Variants in IQGAP3 observed in about 807,000 individuals in gnomAD.
IQGAP3 encodes the protein ras GTPase-activating-like protein IQGAP3.
In IQGAP3, 165 loss-of-function variants were observed where a neutral mutation model predicts 208.2. The ratio of observed to expected loss-of-function variants is 0.79; its 90% confidence interval spans 0.70 to 0.90. The LOEUF (loss-of-function observed/expected upper bound fraction) is 0.90. Among genes scored for constraint, IQGAP3 ranks in the 40% least tolerant of loss-of-function variants. The probability of loss-of-function intolerance (pLI) is 0.00; values close to 1 mark genes in which losing one functional copy is unlikely to be tolerated. For synonymous variants in IQGAP3, 703 were observed against 803.6 expected (o/e 0.87, Z 2.12); for missense variants, 1,811 against 2,043.1 (o/e 0.89, Z 2.19).
intron 30 of IQGAP3, 57 bp downstream of exon 30, chr1:156,533,952 A>C: frequency 6.2e-7 from 1 of 1,608,650 alleles, no homozygotes; most frequent in Non-Finnish European, 8.5e-7. Flanking sequence ...CTACCCCATC[A>C]CAGGCTACCA....
At position 156,554,756 on chromosome 1, in the gene IQGAP3, T is replaced by G. The variant is rs1312953609; in HGVS notation, c.1291-364A>C. ...TCTACCAGCTCCCATTGGTCCCTAC[T>G]GCATATCAAGAACTGTATTAGCCGG... On this transcript the variant is annotated intron_variant, in intron 12 of 37. Transcript: ENST00000361170. 2.0e-5 allele frequency among the ~76,000 whole-genome samples: 3 copies of G among 152,178 alleles called. No homozygotes were observed. In the East Asian group the frequency reaches 5.8e-4, roughly 29 times the overall value.
At chr1:156,533,690 C>T (rs1020909081) in intron 31 of IQGAP3, 83 bp downstream of exon 31, 16 of 1,122,656 alleles carry the variant, frequency 1.4e-5, no homozygotes, top group South Asian at 5.5e-5. Context: ...TGCATGGGCA[C>T]GCTCACATGC....
At chr1:156,555,315 C>T (rs1050770413) in intron 12 of IQGAP3, among the ~76,000 whole-genome samples, 4 of 152,030 alleles carry the variant, frequency 2.6e-5, no homozygotes, top group Non-Finnish European at 4.4e-5. Context: ...TTGGCTCTCC[C>T]GGGTTCAAGT....
chr1:156,529,078 A>G lies in IQGAP3; in HGVS notation c.4409T>C (p.Ile1470Thr). The G allele has an allele frequency of 6.2e-7, 1 of 1,613,994 alleles. No individual in the cohort carries two copies. The highest frequency in any genetic ancestry group is 1.7e-5 in the Admixed American group (1 of 60,006). ...GTGCCTGTGTCTGTGCTGGTTGCGG[A>G]TGTCCTGGGGTTGGGGAACAGATGG... ...QGLVDELAKD[I>T]RNQHRHRHRR... is the part of the protein sequence containing the mutation. The change falls in exon 35 of 38, where the codon ATC becomes ACC. Residue 1470 changes from isoleucine (I) to threonine (T), a missense_variant. Transcript: ENST00000361170.
chr1:156,529,424 C>G (rs1262216316), intron 34 of IQGAP3, among the ~76,000 whole-genome samples: 1 of 151,902 alleles, frequency 6.6e-6, no homozygotes, highest in Non-Finnish European at 1.5e-5. Flanking sequence ...CATTACCCAG[C>G]TAATGTGGGG....
chr1:156,533,142 TAC>T (rs776200999), intron 31 of IQGAP3, 36 bp from the exon 32 acceptor site: 18 of 1,611,232 alleles, frequency 1.1e-5, no homozygotes, highest in East Asian at 6.7e-5. Context: ...GAGACAGGCA[TAC>T]ACACACACAT....
intron 27 of IQGAP3, among the ~76,000 whole-genome samples, chr1:156,535,920 C>G (rs1674664751): frequency 1.3e-5 from 2 of 152,200 alleles, no homozygotes; most frequent in African/African-American, 4.8e-5. Context: ...GAAATTATGT[C>G]TGCGAGAGTA....
intron 4 of IQGAP3, among the ~76,000 whole-genome samples, 182 bp from the exon 5 acceptor site, chr1:156,564,873 C>T (rs1353350890): frequency 6.6e-6 from 1 of 152,134 alleles, no homozygotes; most frequent in African/African-American, 2.4e-5. Flanking sequence ...AAGAAATTCA[C>T]TGAGGATGCA....
chr1:156,570,918 A>G (rs976047234), intron 1 of IQGAP3, among the ~76,000 whole-genome samples: 1 of 152,254 alleles, frequency 6.6e-6, no homozygotes, highest in Non-Finnish European at 1.5e-5. Flanking sequence ...AAAGGATTCT[A>G]GCTATGAACT....
At chr1:156,526,957 T>C (rs1674098877) in intron 37 of IQGAP3, among the ~76,000 whole-genome samples, 1 of 151,942 alleles carries the variant, frequency 6.6e-6, no homozygotes, top group African/African-American at 2.4e-5. Flanking sequence ...TTCAGCCTCC[T>C]GAGTAGCTGG....
rs754878469 is a variant in IQGAP3, at chr1:156,566,047, C to T, written c.340G>A (p.Ala114Thr). 7 of 1,613,598 alleles carry T rather than the reference C, an allele frequency of 4.3e-6. No homozygotes were observed. The East Asian group carries it at 1.6e-4, about 36-fold the overall frequency. Residue 114 changes from alanine to threonine, a missense_variant, in exon 4 of 38, where the codon GCC becomes ACC. Physicochemically the swap from Ala to Thr is moderately conservative, Grantham distance 58 (BLOSUM62 0). Coordinates refer to ENST00000361170, the MANE Select transcript of IQGAP3 (RefSeq NM_178229.5). The stretch of plus-strand genomic sequence containing the variant: ...ATTACCGAAGGCAGACCGATGTGGG[C>T]TATTGCAGATAGCCAAAAGTTGATG... ...DNINFWLSAI[A>T]HIGLPSTFFP...
At chr1:156,531,391 G>T in intron 32 of IQGAP3, 144 bp from the exon 33 acceptor site, 1 of 655,672 alleles carries the variant, frequency 1.5e-6, no homozygotes, top group East Asian at 2.8e-5. Context: ...AGGGATAGGG[G>T]ATGTCGTTGC....
rs995761438 is a variant in IQGAP3 at position 156,533,232 on chromosome 1, G to A, written c.3977-126C>T. 30 of 1,292,386 alleles carry A rather than the reference G, an allele frequency of 2.3e-5. No homozygotes were observed. In the East Asian group the frequency reaches 6.8e-4, roughly 29 times the overall value. 80.1% of individuals were successfully genotyped at this position (1,292,386 alleles called of 1,614,324 possible). On this transcript the variant is annotated intron_variant, in intron 31 of 37. Transcript: ENST00000361170. ...AGCTGCTCCACATGCCCCTCTTCCAGGAAGTTTTCCCACACTGGCCTGCAG... is the reference window on the plus strand; with the variant it reads ...AGCTGCTCCACATGCCCCTCTTCCAAGAAGTTTTCCCACACTGGCCTGCAG...
rs991619450 is a variant in IQGAP3, at chr1:156,544,476, C to T, written c.2305-4G>A. The stretch of plus-strand genomic sequence containing the variant: ...GCCTATAACCCCGCCAATGAGCCTG[C>T]ACATCAGGAGAGAAAGGGAAGTAAC... On this transcript the variant is annotated splice_polypyrimidine_tract_variant and splice_region_variant and intron_variant, in intron 19 of 37. Transcript: ENST00000361170. 1.2e-5 allele frequency: 20 copies of T among 1,612,876 alleles called. No individual in the cohort carries two copies. The Admixed American group carries it at 2.5e-4, about 20-fold the overall frequency.
rs1476037569 is a variant in IQGAP3, at chr1:156,534,537, A to T, written c.3704T>A (p.Leu1235Gln). Residue 1235 changes from leucine to glutamine, a missense_variant, in exon 29 of 38, where the codon CTG becomes CAG. Leu to Gln is a moderately radical substitution (Grantham distance 113, BLOSUM62 -2). Coordinates refer to ENST00000361170, the MANE Select transcript of IQGAP3 (RefSeq NM_178229.5). Reference sequence around the variant, plus strand: ...GTGTGTTTCCTCCAGATAGTCATTCAGGACCCGTAGGTGCTGGCTCTGCCC... The same window carrying T: ...GTGTGTTTCCTCCAGATAGTCATTCTGGACCCGTAGGTGCTGGCTCTGCCC... ...FSGQSQHLRV[L>Q]NDYLEETHLK... The T allele has an allele frequency of 6.3e-7, 1 of 1,597,388 alleles. No individual in the cohort carries two copies. Among genetic ancestry groups the T allele is most frequent in the South Asian group, 1.1e-5 (1 of 89,276 alleles).
At chr1:156,542,012 T>A (rs952178289) in intron 22 of IQGAP3, among the ~76,000 whole-genome samples, 1 of 151,992 alleles carries the variant, frequency 6.6e-6, no homozygotes, top group Admixed American at 6.6e-5. Context: ...GAGGGGCAGG[T>A]CAGTGAAGTT....
At chr1:156,544,555 C>A (rs1675143655) in intron 19 of IQGAP3, 83 bp from the exon 20 acceptor site, 1 of 1,188,566 alleles carries the variant, frequency 8.4e-7, no homozygotes, top group Non-Finnish European at 1.3e-6. Flanking sequence ...TTGTCCTGGG[C>A]CCTCCAGGGA....
At chr1:156,561,224 A>G (rs916005083) in intron 10 of IQGAP3, among the ~76,000 whole-genome samples, 1 of 151,560 alleles carries the variant, frequency 6.6e-6, no homozygotes, top group Non-Finnish European at 1.5e-5. Context: ...GCTGGAGTGC[A>G]GTGGCACAAT....
In IQGAP3 at chr1:156,551,703, A is replaced by T. The variant is rs1356476519; in HGVS notation, c.1734+2T>A. 6.2e-7 allele frequency: 1 copy of T among 1,608,380 alleles called. No homozygotes were observed. Among genetic ancestry groups the T allele is most frequent in the East Asian group, 2.2e-5 (1 of 44,820 alleles). ...GACCAACCCAACCAGCCCTAACTTC[A>T]CCTGGGCCTTCTGCCTTTTGGCTGC... is the stretch of plus-strand genomic sequence containing the variant. On this transcript the variant is annotated splice_donor_variant, in intron 15 of 37. Transcript: ENST00000361170. LOFTEE classifies it high-confidence loss of function.
Sources: allele counts gnomAD v4.1 joint callset (sites outside exome capture counted in the v4.1 genomes callset), GRCh38; gene constraint gnomAD v4.1.1; transcripts MANE v1.5; gene names NCBI Gene and HGNC (gene_info 2026-07-23, HGNC 2026-07-21).